Variants in ROBO2 observed in about 807,000 individuals in gnomAD.
The protein encoded by ROBO2 is roundabout homolog 2.
In ROBO2, 53 loss-of-function variants were observed where a neutral mutation model predicts 160.8. The observed-to-expected ratio is 0.33, with a 90% CI of 0.26 to 0.41. ROBO2 has a LOEUF of 0.41. Among genes scored for constraint, ROBO2 ranks in the 10% least tolerant of loss-of-function variants. ROBO2 has a pLI of 1.00. For missense variants in ROBO2, 1,577 were observed against 1,722.4 expected, an observed-to-expected ratio of 0.92 and a Z score of 1.49; for synonymous variants, 664 against 611.7, an observed-to-expected ratio of 1.09 and a Z score of -1.26.
At chr3:76,307,393 C>T (rs1576340684) in intron 2 of ROBO2, among the ~76,000 whole-genome samples, 2 of 152,148 alleles carry the variant, frequency 1.3e-5, no homozygotes, top group Non-Finnish European at 2.9e-5. Context: ...TTCTTTATGG[C>T]CTGCATTAAA....
chr3:77,344,152 C>T (rs2153453255), intron 2 of ROBO2, among the ~76,000 whole-genome samples: 2 of 152,092 alleles, frequency 1.3e-5, no homozygotes, highest in Non-Finnish European at 2.9e-5. Flanking sequence ...AGAGGTCCTC[C>T]TGAGAAGATG....
chr3:77,540,294 T>C (rs1191130326), intron 6 of ROBO2, among the ~76,000 whole-genome samples: 2 of 152,184 alleles, frequency 1.3e-5, no homozygotes, highest in Non-Finnish European at 2.9e-5. Flanking sequence ...ATATTGGAAA[T>C]AATAGCGTTA....
intron 1 of ROBO2, among the ~76,000 whole-genome samples, chr3:77,088,981 G>A (rs530958103): frequency 3.3e-4 from 50 of 152,222 alleles, no homozygotes; most frequent in African/African-American, 1.1e-3. Flanking sequence ...GTATGATCAT[G>A]CTACAGAACA....
At chr3:77,040,324 G>C (rs1459786947) in exon 1 of ROBO2, 1 of 994,758 alleles carries the variant, frequency 1.0e-6, no homozygotes, top group Non-Finnish European at 1.2e-6. Context: ...GAAGGAAACC[G>C]GGGGAAAGAA....
chr3:76,396,240 G>C (rs1198627057), intron 2 of ROBO2, among the ~76,000 whole-genome samples: 1 of 152,092 alleles, frequency 6.6e-6, no homozygotes, highest in East Asian at 1.9e-4. Context: ...TATCTCAACA[G>C]ATGAAGAAAA....
At chr3:77,535,107 T>G (rs2153637802) in intron 6 of ROBO2, among the ~76,000 whole-genome samples, 1 of 152,322 alleles carries the variant, frequency 6.6e-6, no homozygotes, top group South Asian at 2.1e-4. Context: ...GTAATTAATG[T>G]TATTAAGAAA....
At chr3:75,987,678 G>A (rs1185216717) in intron 2 of ROBO2, among the ~76,000 whole-genome samples, 1 of 151,892 alleles carries the variant, frequency 6.6e-6, no homozygotes, top group African/African-American at 2.4e-5. Flanking sequence ...TGTGATGTTG[G>A]CTACTGAATA....
At chr3:77,119,417 A>G (rs181140910) in intron 2 of ROBO2, among the ~76,000 whole-genome samples, 38 of 152,336 alleles carry the variant, frequency 2.5e-4, no homozygotes, top group Middle Eastern at 3.4e-3. Flanking sequence ...TGTTTGAAAC[A>G]TCATTACATG....
At chr3:76,805,876 C>A (rs2064666109) in intron 2 of ROBO2, among the ~76,000 whole-genome samples, 1 of 151,818 alleles carries the variant, frequency 6.6e-6, no homozygotes, top group African/African-American at 2.4e-5. Context: ...TTTAACAGAC[C>A]AGAGAAAGAG....
chr3:76,210,018 C>A (rs973971580), intron 2 of ROBO2, among the ~76,000 whole-genome samples: 1 of 152,076 alleles, frequency 6.6e-6, no homozygotes, highest in African/African-American at 2.4e-5. Context: ...TGATTGGACA[C>A]TCTTTGGTCT....
In ROBO2 at chr3:76,477,374, T is replaced by C. The variant is rs550574739; in HGVS notation, c.109+539772T>C. ...TAAATCAGATGATTATAAATATTTT[T>C]ATGATTAAACAGCACCCTACTCCAT... On this transcript the variant is annotated intron_variant, in intron 2 of 26. Transcript: ENST00000487694. Among the ~76,000 whole-genome samples, 27 of 152,276 alleles carry C rather than the reference T, an allele frequency of 1.8e-4. No homozygotes were observed. In the South Asian group the frequency reaches 4.8e-3, roughly 27 times the overall value.
intron 2 of ROBO2, among the ~76,000 whole-genome samples, chr3:76,325,091 C>A (rs1016167038): frequency 1.3e-5 from 2 of 152,172 alleles, no homozygotes; most frequent in African/African-American, 4.8e-5. Context: ...CGTGACAGAG[C>A]GAGACTCCGT....
intron 23 of ROBO2, among the ~76,000 whole-genome samples, chr3:77,623,516 C>G (rs2094942986): frequency 1.3e-5 from 2 of 152,184 alleles, no homozygotes; most frequent in African/African-American, 4.8e-5. Flanking sequence ...TGTATTCCTC[C>G]CTGAATTACT....
At chr3:77,044,397 A>G (rs1488613745) in intron 1 of ROBO2, among the ~76,000 whole-genome samples, 1 of 152,170 alleles carries the variant, frequency 6.6e-6, no homozygotes, top group African/African-American at 2.4e-5. Context: ...TTTACTTCCC[A>G]TGTGCAATTT....
intron 2 of ROBO2, among the ~76,000 whole-genome samples, chr3:76,712,235 T>C (rs2093308390): frequency 6.6e-6 from 1 of 152,222 alleles, no homozygotes; most frequent in Non-Finnish European, 1.5e-5. Flanking sequence ...ATACAATCCT[T>C]ACATAAGCTA....
intron 2 of ROBO2, among the ~76,000 whole-genome samples, chr3:77,271,085 T>C (rs931063286): frequency 1.3e-5 from 2 of 152,176 alleles, no homozygotes; most frequent in Non-Finnish European, 2.9e-5. Context: ...GATTTCCACA[T>C]TTTTTGTGCA....
chr3:76,916,808 A>C (rs1186158567), intron 2 of ROBO2, among the ~76,000 whole-genome samples: 1 of 152,182 alleles, frequency 6.6e-6, no homozygotes, highest in Non-Finnish European at 1.5e-5. Context: ...AAGTTCAAAA[A>C]GAGTGTGAGA....
intron 2 of ROBO2, among the ~76,000 whole-genome samples, chr3:77,178,979 G>A (rs1421787725): frequency 2.0e-5 from 3 of 151,890 alleles, no homozygotes; most frequent in African/African-American, 4.8e-5. Context: ...GGTTCCAGGA[G>A]GTTCATTTTG....
intron 2 of ROBO2, among the ~76,000 whole-genome samples, chr3:76,011,745 T>G (rs1203310192): frequency 6.6e-6 from 1 of 152,224 alleles, no homozygotes; most frequent in Non-Finnish European, 1.5e-5. Flanking sequence ...ATAGTGTATA[T>G]GTAGACATTA....
Sources: gnomAD v4.1 joint callset for allele counts (sites outside exome capture counted in the v4.1 genomes callset) on GRCh38, gnomAD v4.1.1 for gene constraint, MANE v1.5 for transcripts, NCBI Gene and HGNC (gene_info 2026-07-23, HGNC 2026-07-21) for gene names.